DNAH9: variants seen among roughly 807,000 people sequenced by gnomAD.
DNAH9 encodes the protein DNAH9 variant protein.
DNAH9 carries 345 observed loss-of-function variants against 471.6 expected under a neutral mutation model. The ratio of observed to expected loss-of-function variants is 0.73; its 90% confidence interval spans 0.67 to 0.80. The LOEUF (loss-of-function observed/expected upper bound fraction) is 0.80, where lower values mean the gene tolerates loss of function less well. Among genes scored for constraint, DNAH9 ranks in the 30% least tolerant of loss-of-function variants. DNAH9 has a pLI of 0.00. For missense variants in DNAH9, 5,407 were observed against 5,609.2 expected (o/e 0.96, Z 1.15); for synonymous variants, 2,093 against 2,123.6 (o/e 0.99, Z 0.40).
intron 53 of DNAH9, among the ~76,000 whole-genome samples, chr17:11,875,478 C>G (rs1972438943): frequency 6.6e-6 from 1 of 152,174 alleles, no homozygotes; most frequent in Admixed American, 6.5e-5. Context: ...CATTTCCTCC[C>G]CAAACTTCAT....
chr17:11,815,505 C>T (rs1970066580), intron 45 of DNAH9, among the ~76,000 whole-genome samples: 1 of 152,134 alleles, frequency 6.6e-6, no homozygotes, highest in Non-Finnish European at 1.5e-5. Context: ...ACTATAATTC[C>T]TGGCCAGGAG....
intron 35 of DNAH9, 118 bp from the exon 36 acceptor site, chr17:11,763,322 C>T (rs1967795132): frequency 5.8e-6 from 5 of 862,976 alleles, no homozygotes; most frequent in Non-Finnish European, 9.2e-6. Flanking sequence ...GTCTGTAATC[C>T]CAAAGAACTT....
At chr17:11,696,878 A>T (rs1338596676) in intron 22 of DNAH9, among the ~76,000 whole-genome samples, 3 of 151,256 alleles carry the variant, frequency 2.0e-5, no homozygotes, top group African/African-American at 4.9e-5. Flanking sequence ...AAATTAATTA[A>T]TTTTTTTTTA....
intron 38 of DNAH9, among the ~76,000 whole-genome samples, chr17:11,775,744 A>G (rs927069891): frequency 1.3e-5 from 2 of 151,716 alleles, no homozygotes; most frequent in Non-Finnish European, 2.9e-5. Context: ...AGCTGGGACT[A>G]CAGGCACCCG....
chr17:11,824,889 C>CCTTCTT (rs928619489), intron 48 of DNAH9, among the ~76,000 whole-genome samples: 1 of 151,796 alleles, frequency 6.6e-6, no homozygotes, highest in African/African-American at 2.4e-5. Flanking sequence ...TTCTCCTTCT[C>CCTTCTT]CTCCTCCTTC....
chr17:11,954,695 A>G (rs9896046), intron 67 of DNAH9, among the ~76,000 whole-genome samples: 70,617 of 150,532 alleles, frequency 0.47, 16,813 homozygotes, highest in Middle Eastern at 0.57. Context: ...CTTAGAACCC[A>G]GGAGGCGGAG....
chr17:11,618,326 G>A (rs982495729), intron 5 of DNAH9, among the ~76,000 whole-genome samples: 1 of 152,114 alleles, frequency 6.6e-6, no homozygotes, highest in African/African-American at 2.4e-5. Context: ...GGTGGCTCAC[G>A]CCTGTAATCC....
intron 57 of DNAH9, among the ~76,000 whole-genome samples, chr17:11,888,417 C>T (rs1316565378): frequency 6.6e-6 from 1 of 152,006 alleles, no homozygotes; most frequent in African/African-American, 2.4e-5. Flanking sequence ...ACAGGATCAC[C>T]CCCCTGGTTC....
intron 22 of DNAH9, among the ~76,000 whole-genome samples, chr17:11,696,370 A>G (rs979713): frequency 0.77 from 117,454 of 152,066 alleles, 45,835 homozygotes; most frequent in East Asian, 0.91. Flanking sequence ...CAGTTTGGCC[A>G]TAGGTTATTT....
chr17:11,900,521 T>C (rs1006639141), intron 59 of DNAH9, among the ~76,000 whole-genome samples: 8 of 76,052 alleles, frequency 1.1e-4, no homozygotes, highest in South Asian at 5.1e-4. Context: ...AAAAAAAAAT[T>C]CCCTTTCCTT....
At chr17:11,847,886 G>C (rs1156668040) in intron 49 of DNAH9, among the ~76,000 whole-genome samples, 1 of 152,110 alleles carries the variant, frequency 6.6e-6, no homozygotes, top group Non-Finnish European at 1.5e-5. Context: ...GAAAGAGAGT[G>C]AGATCCCGGT....
intron 41 of DNAH9, among the ~76,000 whole-genome samples, chr17:11,790,119 G>A (rs946602633): frequency 5.5e-5 from 2 of 36,666 alleles, no homozygotes; most frequent in African/African-American, 2.3e-4. Context: ...TCGATGTGCA[G>A]GGTTTTTTTT....
intron 28 of DNAH9, among the ~76,000 whole-genome samples, chr17:11,733,924 T>C (rs2150824345): frequency 6.7e-6 from 1 of 149,634 alleles, no homozygotes; most frequent in East Asian, 2.0e-4. Flanking sequence ...AGAAAATAAG[T>C]TCCATCAAAG....
At chr17:11,931,871 G>A (rs1195689813) in intron 63 of DNAH9, 143 bp from the exon 64 acceptor site, 1 of 870,704 alleles carries the variant, frequency 1.1e-6, no homozygotes, top group Non-Finnish European at 1.8e-6. Flanking sequence ...GTTCCCCCCA[G>A]GCTGTAGTCT....
chr17:11,851,644 C>T (rs952734829), intron 49 of DNAH9, among the ~76,000 whole-genome samples: 2 of 152,136 alleles, frequency 1.3e-5, no homozygotes, highest in African/African-American at 4.8e-5. Context: ...GCAACCCACA[C>T]ACAGGGAGAC....
intron 60 of DNAH9, among the ~76,000 whole-genome samples, chr17:11,903,353 T>TAAAA (rs796649993): frequency 6.1e-5 from 8 of 130,374 alleles, no homozygotes; most frequent in East Asian, 2.2e-4. Context: ...AAGTAAAAAA[T>TAAAA]AAAAAAAAAA....
At chr17:11,645,879 C>CTTTTTTTTTTTT (rs760279719) in intron 11 of DNAH9, among the ~76,000 whole-genome samples, 8 of 70,608 alleles carry the variant, frequency 1.1e-4, no homozygotes, top group African/African-American at 1.6e-4. Context: ...TTTTCTTTTT[C>CTTTTTTTTTTTT]TTTTTTTTTT....
chr17:11,752,812 GGTGTCA>G lies in DNAH9; in HGVS notation c.6611-17_6611-12del, dbSNP rs1314523455. 2.0e-6 allele frequency: 3 copies of G among 1,531,140 alleles called. No homozygotes were observed. Among genetic ancestry groups the G allele is most frequent in the Non-Finnish European group, 2.6e-6 (3 of 1,139,248 alleles). The allele number at this position is 1,531,140 out of a possible 1,614,324, so 94.8% of individuals were successfully genotyped here. On this transcript the variant is annotated splice_polypyrimidine_tract_variant and intron_variant, in intron 32 of 68. Transcript: ENST00000262442. The stretch of plus-strand genomic sequence containing the variant: ...GGATTAATGAAGAAATGGAAAATAA[GGTGTCA>G]GTGGTTCCTTTTAGGATTGTTCTCT...
At chr17:11,936,360 T>C (rs2151040727) in intron 65 of DNAH9, among the ~76,000 whole-genome samples, 1 of 152,298 alleles carries the variant, frequency 6.6e-6, no homozygotes, top group African/African-American at 2.4e-5. Flanking sequence ...CCAGGCGCGG[T>C]GGCTCCCGCC....
Sources: allele counts gnomAD v4.1 joint callset (sites outside exome capture counted in the v4.1 genomes callset), GRCh38; gene constraint gnomAD v4.1.1; transcripts MANE v1.5; gene names NCBI Gene and HGNC (gene_info 2026-07-23, HGNC 2026-07-21).